The following NYAP2 variants were observed in gnomAD, a reference collection of about 807,000 sequenced individuals.
NYAP2 encodes neuronal tyrosine-phosphorylated phosphoinositide-3-kinase adaptor 2.
A neutral mutation model predicts 50.4 loss-of-function variants in NYAP2; 23 were observed. The ratio of observed to expected loss-of-function variants is 0.46; its 90% CI spans 0.33 to 0.65. The LOEUF is 0.65. Ranked by LOEUF, NYAP2 falls within the 30% of genes least tolerant of loss-of-function variation. The probability of loss-of-function intolerance (pLI) is 0.02; values close to 1 mark genes in which losing one functional copy is unlikely to be tolerated. For missense variants in NYAP2, 885 were observed against 861.0 expected (o/e 1.03, Z -0.35); for synonymous variants, 394 against 365.2 (o/e 1.08, Z -0.90).
chr2:225,557,455 T>A (rs929482041), intron 4 of NYAP2, among the ~76,000 whole-genome samples: 2 of 152,180 alleles, frequency 1.3e-5, no homozygotes, highest in African/African-American at 4.8e-5. Context: ...TGTATGTTTT[T>A]CCAGGACTAC....
chr2:225,510,377 T>C (rs1196548811), intron 3 of NYAP2, among the ~76,000 whole-genome samples: 2 of 152,308 alleles, frequency 1.3e-5, no homozygotes, highest in African/African-American at 4.8e-5. Context: ...ATCAGAAACA[T>C]CTGGATATAG....
intron 6 of NYAP2, among the ~76,000 whole-genome samples, chr2:225,640,102 A>G (rs533227436): frequency 6.6e-6 from 1 of 152,300 alleles, no homozygotes; most frequent in South Asian, 2.1e-4. Context: ...ACATATACAG[A>G]GTCAGCTAAT....
At chr2:225,463,052 A>G (rs1452460433) in intron 3 of NYAP2, among the ~76,000 whole-genome samples, 3 of 152,278 alleles carry the variant, frequency 2.0e-5, no homozygotes, top group Non-Finnish European at 1.5e-5. Context: ...CAGGTAAACT[A>G]GAGAGGGGTG....
rs543270764 is a variant in NYAP2 at position 225,528,728 on chromosome 2, T to C, written c.523+15056T>C. On this transcript the variant is annotated intron_variant, in intron 4 of 6. Transcript: ENST00000636099. Reference sequence around the variant, plus strand: ...GTGTTCTTGATACAGCAAACCCACTTCCCAGTGCTTTCACCTGTGATTCTC... The same window carrying C: ...GTGTTCTTGATACAGCAAACCCACTCCCCAGTGCTTTCACCTGTGATTCTC... Among the ~76,000 whole-genome samples, 37 of 152,272 alleles carry C rather than the reference T, an allele frequency of 2.4e-4. 1 individual carries two copies. Among genetic ancestry groups the C allele is most frequent in the African/African-American group, 7.5e-4 (31 of 41,538 alleles).
intron 6 of NYAP2, among the ~76,000 whole-genome samples, chr2:225,647,302 T>C (rs1336494831): frequency 6.6e-6 from 1 of 152,182 alleles, no homozygotes; most frequent in Non-Finnish European, 1.5e-5. Flanking sequence ...GGATGATTCC[T>C]TAAGGTATGC....
chr2:225,495,648 A>G (rs1383592082), intron 3 of NYAP2, among the ~76,000 whole-genome samples: 3 of 152,184 alleles, frequency 2.0e-5, no homozygotes, highest in Admixed American at 2.0e-4. Context: ...ATTGACTAAT[A>G]AATCAGATAT....
At position 225,613,317 on chromosome 2, in the gene NYAP2, G is replaced by T. The variant is rs114373325; in HGVS notation, c.1619-13600G>T. 5.5e-3 allele frequency among the ~76,000 whole-genome samples: 839 copies of T among 152,222 alleles called. 9 individuals are homozygous for T. The highest frequency in any genetic ancestry group is 0.018 in the African/African-American group (763 of 41,530). ...GCACCCAGACCAGAGAAAGATGAAA[G>T]CCAGAAGACTCATCAAGCCGGCTTA... On this transcript the variant is annotated intron_variant, in intron 5 of 6. Transcript: ENST00000636099.
chr2:225,651,498 C>G, exon 7 of NYAP2: 2 of 1,614,002 alleles, frequency 1.2e-6, no homozygotes, highest in Non-Finnish European at 1.7e-6. Flanking sequence ...CCATCAGTCA[C>G]TCCCCTCAGG....
chr2:225,461,317 A>G (rs1427082549), intron 3 of NYAP2, among the ~76,000 whole-genome samples: 2 of 152,232 alleles, frequency 1.3e-5, no homozygotes, highest in Non-Finnish European at 2.9e-5. Context: ...CCAGCCTGAA[A>G]TTGCACCCAG....
chr2:225,588,460 T>A (rs1319108479), intron 5 of NYAP2, among the ~76,000 whole-genome samples: 1 of 151,872 alleles, frequency 6.6e-6, no homozygotes, highest in Non-Finnish European at 1.5e-5. Context: ...CCCACATACC[T>A]CTCTCCTTTT....
At chr2:225,601,767 C>T (rs1448108665) in intron 5 of NYAP2, among the ~76,000 whole-genome samples, 1 of 151,988 alleles carries the variant, frequency 6.6e-6, no homozygotes, top group Non-Finnish European at 1.5e-5. Flanking sequence ...TGTAGAAGTT[C>T]TTTATATAAT....
chr2:225,613,713 A>G (rs1400769204), intron 5 of NYAP2, among the ~76,000 whole-genome samples: 21 of 152,198 alleles, frequency 1.4e-4, no homozygotes, highest in South Asian at 1.0e-3. Context: ...AATAGTAACT[A>G]GAAGACATTA....
chr2:225,466,159 A>G (rs1689915477), intron 3 of NYAP2, among the ~76,000 whole-genome samples: 1 of 152,230 alleles, frequency 6.6e-6, no homozygotes, highest in Non-Finnish European at 1.5e-5. Flanking sequence ...ACACATACAC[A>G]ACATTTTCTG....
chr2:225,445,375 A>G (rs1689536533), intron 3 of NYAP2, among the ~76,000 whole-genome samples: 2 of 152,080 alleles, frequency 1.3e-5, no homozygotes. Flanking sequence ...AAGAATAACA[A>G]AGTATCAATT....
chr2:225,402,393 T>C (rs1694877427), intron 2 of NYAP2, among the ~76,000 whole-genome samples: 1 of 152,074 alleles, frequency 6.6e-6, no homozygotes, highest in African/African-American at 2.4e-5. Context: ...CTACATCTAC[T>C]TTGCAAATAA....
the NYAP2 span, among the ~76,000 whole-genome samples, chr2:225,665,293 C>A: frequency 6.6e-6 from 1 of 151,888 alleles, no homozygotes; most frequent in Non-Finnish European, 1.5e-5. Context: ...TTGTTACATG[C>A]CCATAGAATC....
intron 5 of NYAP2, among the ~76,000 whole-genome samples, chr2:225,597,934 A>T (rs1383081121): frequency 6.6e-6 from 1 of 152,160 alleles, no homozygotes; most frequent in East Asian, 1.9e-4. Flanking sequence ...CAGAGGTTCC[A>T]TGTTGTTGTT....
chr2:225,645,989 G>A (rs899963636), intron 6 of NYAP2, among the ~76,000 whole-genome samples: 1 of 152,186 alleles, frequency 6.6e-6, no homozygotes, highest in African/African-American at 2.4e-5. Context: ...AGTTAGTTGA[G>A]CTGAACAATT....
chr2:225,677,763 T>C, the NYAP2 span, among the ~76,000 whole-genome samples: 24 of 152,160 alleles, frequency 1.6e-4, no homozygotes, highest in Non-Finnish European at 3.1e-4. Context: ...AGAAATAAAA[T>C]CTTCTTGATC....
Sources: allele counts gnomAD v4.1 joint callset (sites outside exome capture counted in the v4.1 genomes callset), GRCh38; gene constraint gnomAD v4.1.1; transcripts MANE v1.5; gene names NCBI Gene and HGNC (gene_info 2026-07-23, HGNC 2026-07-21).